Variants in RNASE1 observed in about 807,000 individuals in gnomAD.
RNASE1 encodes the protein ribonuclease A family member 1, pancreatic.
For missense variants in RNASE1, 203 were observed against 201.0 expected (o/e 1.01, Z -0.06); for synonymous variants, 64 against 78.6 (o/e 0.81, Z 0.98).
rs766939808 is a variant in RNASE1, at chr14:20,801,938, T to C, written c.131A>G (p.Asp44Gly). The stretch of plus-strand genomic sequence containing the variant: ...GGTGGAGCTGCTGCTGGGGGAACTG[T>C]CTGAGTCCATATGCTGCCGCTGGAA... ...KKFQRQHMDS[D>G]SSPSSSSTYC... The change falls in exon 2 of 2, where the codon GAC (aspartate) becomes GGC (glycine). Residue 44 changes from aspartate (D) to glycine (G), a missense_variant. Transcript: ENST00000397967. The C allele has an allele frequency of 6.2e-7, 1 of 1,613,982 alleles. No individual in the cohort carries two copies. Among genetic ancestry groups the C allele is most frequent in the East Asian group, 2.2e-5 (1 of 44,866 alleles).
At position 20,801,670 on chromosome 14, in the gene RNASE1, G is replaced by A. The variant is rs758044294; in HGVS notation, c.399C>T (p.His133=). 1.9e-6 allele frequency: 3 copies of A among 1,614,184 alleles called. No homozygotes were observed. Among genetic ancestry groups the A allele is most frequent in the Non-Finnish European group, 2.5e-6 (3 of 1,180,046 alleles). ...CAYRTSPKER[H]IIVACEGSPY... ...GGCTCCCTTCACAGGCCACAATGAT[G>A]TGTCTCTCCTTCGGGCTGGTCCGGT... Residue 133 remains histidine (H), a synonymous_variant, in exon 2 of 2, where the codon CAC becomes CAT. Transcript: ENST00000397967.
chr14:20,801,754 G>A lies in RNASE1; in HGVS notation c.315C>T (p.Ser105=). The A allele has an allele frequency of 4.3e-6, 7 of 1,614,226 alleles. No homozygotes were observed. The highest frequency in any genetic ancestry group is 5.9e-6 in the Non-Finnish European group (7 of 1,180,038). ...GGCGGCAGTCTGTGATGTGCATGCT[G>A]GAGTTGCTCTTGTAGCAGTTGCCCT... ...NGQGNCYKSN[S]SMHITDCRLT... The change falls in exon 2 of 2, where the codon TCC becomes TCT. Residue 105 remains serine, a synonymous_variant. Coordinates refer to ENST00000397967, the MANE Select transcript of RNASE1 (RefSeq NM_002933.5).
At position 20,801,580 on chromosome 14, in the gene RNASE1, T is replaced by C. The variant is rs1447159360; in HGVS notation, c.*18A>G. On this transcript the variant is annotated 3_prime_UTR_variant, in exon 2 of 2. Coordinates refer to ENST00000397967, the MANE Select transcript of RNASE1 (RefSeq NM_002933.5). ...GAGGATGAGGTTGAGGGAGGTGGGGTATCTCGCTGCTCTGACCTTAGGTAG... is the reference window on the plus strand; with the variant it reads ...GAGGATGAGGTTGAGGGAGGTGGGGCATCTCGCTGCTCTGACCTTAGGTAG... The C allele has an allele frequency of 6.3e-7, 1 of 1,594,546 alleles. No individual in the cohort carries two copies.
rs1879409014 is a variant in RNASE1, at chr14:20,801,798, C to T, written c.271G>A (p.Val91Ile). Residue 91 changes from valine (V) to isoleucine (I), a missense_variant, in exon 2 of 2, where the codon GTC (valine) becomes ATC (isoleucine). Physicochemically the swap from Val to Ile is conservative, Grantham distance 29. Transcript: ENST00000397967. ...TTGCCCTGCCCGTTCTTGCAGGTGACCTTTTCCTGGAAACAGACATTCTGG... is the reference window on the plus strand; with the variant it reads ...TTGCCCTGCCCGTTCTTGCAGGTGATCTTTTCCTGGAAACAGACATTCTGG... Reference protein sequence around the residue: ...DVQNVCFQEKVTCKNGQGNCY... With the variant: ...DVQNVCFQEKITCKNGQGNCY... 1 of 1,614,172 alleles carries T rather than the reference C, an allele frequency of 6.2e-7. No homozygotes were observed. Among genetic ancestry groups the T allele is most frequent in the African/African-American group, 1.3e-5 (1 of 75,022 alleles).
Position 20,801,509 on chromosome 14 carries a change from T to TA in RNASE1, c.*88dup, listed in dbSNP as rs1323361559. ...GTTGAATAGGAGCCCTAACTGTAGT[T>TA]ACTTCTTTCACAGCAGGGAAGGAAG... On this transcript the variant is annotated 3_prime_UTR_variant, in exon 2 of 2. Coordinates refer to ENST00000397967, the MANE Select transcript of RNASE1 (RefSeq NM_002933.5). The TA allele has an allele frequency of 9.1e-7, 1 of 1,098,966 alleles. No homozygotes were observed. The highest frequency in any genetic ancestry group is 1.5e-5 in the African/African-American group (1 of 64,678). 68.1% of individuals were successfully genotyped at this position (1,098,966 alleles called of 1,614,324 possible). A position where few individuals can be genotyped will look rare whatever the true frequency, so the allele number is the denominator to read the frequency against.
intron 1 of RNASE1, 173 bp from the exon 2 acceptor site, chr14:20,802,266 A>C (rs1879440847): frequency 1.8e-6 from 1 of 556,330 alleles, no homozygotes. Context: ...CTTTTCCACG[A>C]GCGTTTTATT....
In RNASE1 at chr14:20,801,631, G is replaced by C; in HGVS notation, c.438C>G (p.Val146=). The C allele has an allele frequency of 1.9e-6, 3 of 1,614,098 alleles. No individual in the cohort carries two copies. Among genetic ancestry groups the C allele is most frequent in the South Asian group, 2.2e-5 (2 of 91,072 alleles). ...VACEGSPYVP[V]HFDASVEDST is the part of the protein sequence containing the mutation. ...AGTCCTCCACAGAAGCATCAAAGTG[G>C]ACTGGCACATATGGGCTCCCTTCAC... Residue 146 remains valine (V), a synonymous_variant, in exon 2 of 2, where the codon GTC becomes GTG. Coordinates refer to ENST00000397967, the MANE Select transcript of RNASE1 (RefSeq NM_002933.5).
chr14:20,801,435 C>A lies in RNASE1; in HGVS notation c.*163G>T, dbSNP rs901314526. On this transcript the variant is annotated 3_prime_UTR_variant, in exon 2 of 2. Coordinates refer to ENST00000397967, the MANE Select transcript of RNASE1 (RefSeq NM_002933.5). ...GGCCCACCTCACAACCCACTCTTCA[C>A]CCCCAAAATCACGCAGGGATGGGAC... 1.5e-6 allele frequency: 1 copy of A among 645,580 alleles called. No homozygotes were observed. Among genetic ancestry groups the A allele is most frequent in the Admixed American group, 2.9e-5 (1 of 34,646 alleles). 40.0% of individuals were successfully genotyped at this position (645,580 alleles called of 1,614,324 possible).
At position 20,802,108 on chromosome 14, in the gene RNASE1, G is replaced by T; in HGVS notation, c.-25-15C>A. On this transcript the variant is annotated splice_polypyrimidine_tract_variant and intron_variant, in intron 1 of 1. Transcript: ENST00000397967. ...CCCAGAAAAGCCTAATTGAGAAAAG[G>T]AGAGAGAAGGAAAAGAGCCCTCTTA... The T allele has an allele frequency of 6.9e-7, 1 of 1,453,936 alleles. No individual in the cohort carries two copies. Among genetic ancestry groups the T allele is most frequent in the South Asian group, 1.3e-5 (1 of 76,148 alleles). The allele number at this position is 1,453,936 out of a possible 1,614,324, so 90.1% of individuals were successfully genotyped here.
chr14:20,801,971 G>T lies in RNASE1; in HGVS notation c.98C>A (p.Ala33Asp). Residue 33 changes from alanine (A) to aspartate (D), a missense_variant, in exon 2 of 2, where the codon GCC becomes GAC. Physicochemically the swap from Ala to Asp is moderately radical, Grantham distance 126. Coordinates refer to ENST00000397967, the MANE Select transcript of RNASE1 (RefSeq NM_002933.5). ...CATATGCTGCCGCTGGAATTTCTTGGCCCGGGATTCCTTGCCCAGGGAAGG... is the reference window on the plus strand; with the variant it reads ...CATATGCTGCCGCTGGAATTTCTTGTCCCGGGATTCCTTGCCCAGGGAAGG... ...VQPSLGKESRAKKFQRQHMDS... is the reference protein window; with the variant it reads ...VQPSLGKESRDKKFQRQHMDS... The T allele has an allele frequency of 3.1e-6, 5 of 1,613,630 alleles. No individual in the cohort carries two copies. Among genetic ancestry groups the T allele is most frequent in the Non-Finnish European group, 4.2e-6 (5 of 1,179,996 alleles).
intron 1 of RNASE1, chr14:20,802,366 G>T: frequency 3.3e-6 from 1 of 307,628 alleles, no homozygotes; most frequent in Admixed American, 4.6e-5. Context: ...TTGAATACTG[G>T]AGTTTCTTTG....
Position 20,801,539 on chromosome 14 carries a change from A to C in RNASE1, c.*59T>G. On this transcript the variant is annotated 3_prime_UTR_variant, in exon 2 of 2. Coordinates refer to ENST00000397967, the MANE Select transcript of RNASE1 (RefSeq NM_002933.5). ...CTTTCACAGCAGGGAAGGAAGAGGG[A>C]AGAGGCAGCTGTGGAGAGGATGAGG... The C allele has an allele frequency of 7.1e-7, 1 of 1,399,116 alleles. No homozygotes were observed. Among genetic ancestry groups the C allele is most frequent in the South Asian group, 1.2e-5 (1 of 83,018 alleles). The allele number at this position is 1,399,116 out of a possible 1,614,324, so 86.7% of individuals were successfully genotyped here.
rs761675706 is a variant in RNASE1, at chr14:20,802,073, G to C, written c.-5C>G. 2 of 1,575,118 alleles carry C rather than the reference G, an allele frequency of 1.3e-6. No individual in the cohort carries two copies. The highest frequency in any genetic ancestry group is 1.9e-5 in the Admixed American group (1 of 53,880). On this transcript the variant is annotated 5_prime_UTR_variant, in exon 2 of 2. Transcript: ENST00000397967. ...AAGAGACTTCTCCAGAGCCATGGTG[G>C]CCTCACTTTCCCAGAAAAGCCTAAT...
At position 20,802,092 on chromosome 14, in the gene RNASE1, G is replaced by A. The variant is rs1879431806; in HGVS notation, c.-24C>T. On this transcript the variant is annotated splice_region_variant and 5_prime_UTR_variant, in exon 2 of 2. Coordinates refer to ENST00000397967, the MANE Select transcript of RNASE1 (RefSeq NM_002933.5). ...ATGGTGGCCTCACTTTCCCAGAAAA[G>A]CCTAATTGAGAAAAGGAGAGAGAAG... 6.5e-7 allele frequency: 1 copy of A among 1,529,276 alleles called. No individual in the cohort carries two copies. Among genetic ancestry groups the A allele is most frequent in the Non-Finnish European group, 8.8e-7 (1 of 1,140,520 alleles). 94.7% of individuals were successfully genotyped at this position (1,529,276 alleles called of 1,614,324 possible).
In RNASE1 at chr14:20,802,064, G is replaced by A. The variant is rs753839755; in HGVS notation, c.5C>T (p.Ala2Val). 1.3e-6 allele frequency: 2 copies of A among 1,585,332 alleles called. No homozygotes were observed. Among genetic ancestry groups the A allele is most frequent in the Non-Finnish European group, 1.7e-6 (2 of 1,172,146 alleles). Residue 2 changes from alanine to valine, a missense_variant, in exon 2 of 2, where the codon GCT (alanine) becomes GTT (valine). Transcript: ENST00000397967. Reference protein sequence around the residue: MALEKSLVRLLL... With the variant: MVLEKSLVRLLL... ...GAGCCGGACAAGAGACTTCTCCAGA[G>A]CCATGGTGGCCTCACTTTCCCAGAA...
At chr14:20,802,508 G>A (rs1191028676) in intron 1 of RNASE1, 2 of 163,376 alleles carry the variant, frequency 1.2e-5, no homozygotes, top group African/African-American at 4.8e-5. Context: ...GAGCATAAGG[G>A]AACTCAGGCC....
chr14:20,802,170 G>C, intron 1 of RNASE1, 77 bp from the exon 2 acceptor site: 2 of 917,402 alleles, frequency 2.2e-6, no homozygotes, highest in Non-Finnish European at 3.2e-6. Flanking sequence ...GGCTTGCCTG[G>C]TTTACACTTT....
At chr14:20,802,114 G>A in intron 1 of RNASE1, 21 bp from the exon 2 acceptor site, 1 of 1,411,452 alleles carries the variant, frequency 7.1e-7, no homozygotes, top group Admixed American at 2.5e-5. Context: ...AAAGGAGAGA[G>A]AAGGAAAAGA....
In RNASE1 at chr14:20,801,840, C is replaced by T. The variant is rs753421601; in HGVS notation, c.229G>A (p.Glu77Lys). The T allele has an allele frequency of 2.9e-5, 47 of 1,614,080 alleles. No individual in the cohort carries two copies. Among genetic ancestry groups the T allele is most frequent in the South Asian group, 1.1e-4 (10 of 91,074 alleles). ...RCKPVNTFVH[E>K]PLVDVQNVCF... ...ACATTCTGGACATCTACCAGGGGCT[C>T]GTGCACAAAGGTGTTCACTGGTTTG... Residue 77 changes from glutamate (E) to lysine (K), a missense_variant, in exon 2 of 2, where the codon GAG becomes AAG. By Grantham distance (56) the Glu-to-Lys change is moderately conservative (BLOSUM62 1). Coordinates refer to ENST00000397967, the MANE Select transcript of RNASE1 (RefSeq NM_002933.5).
Sources: allele counts gnomAD v4.1 joint callset, GRCh38; gene constraint gnomAD v4.1.1; transcripts MANE v1.5; gene names NCBI Gene and HGNC (gene_info 2026-07-23, HGNC 2026-07-21).